ISY1: variants seen among roughly 807,000 people sequenced by gnomAD.
ISY1 encodes ISY1 spliceosome associated protein.
ISY1 carries 12 observed loss-of-function variants against 54.4 expected under a neutral mutation model. That is an observed-to-expected ratio of 0.22 (90% CI 0.14 to 0.36). The LOEUF (loss-of-function observed/expected upper bound fraction) is 0.36. ISY1 is among the 10% of genes least tolerant of loss of function. ISY1 has a pLI of 1.00. For synonymous variants in ISY1, 96 were observed against 117.9 expected (o/e 0.81, Z 1.20); for missense variants, 282 against 342.2 (o/e 0.82, Z 1.39).
At chr3:129,139,882 T>A (rs906147306) in intron 7 of ISY1, among the ~76,000 whole-genome samples, 4 of 152,176 alleles carry the variant, frequency 2.6e-5, no homozygotes, top group Admixed American at 2.0e-4. Flanking sequence ...CCTCAGGTGA[T>A]CCGCCCACCT....
At chr3:129,137,837 G>A (rs568430650) in intron 7 of ISY1, among the ~76,000 whole-genome samples, 27 of 148,632 alleles carry the variant, frequency 1.8e-4, no homozygotes, top group Non-Finnish European at 3.0e-4. Context: ...GCGTAAACCC[G>A]GGAGGCAGAG....
intron 6 of ISY1, among the ~76,000 whole-genome samples, chr3:129,144,447 C>T (rs1309564441): frequency 2.0e-5 from 3 of 152,190 alleles, no homozygotes; most frequent in South Asian, 2.1e-4. Flanking sequence ...AAGATCAACA[C>T]GTAGAAAAAC....
intron 9 of ISY1, among the ~76,000 whole-genome samples, chr3:129,133,107 AT>A (rs1329916081): frequency 2.0e-5 from 3 of 152,174 alleles, no homozygotes; most frequent in African/African-American, 4.8e-5. Context: ...GGAGGCAGAG[AT>A]TTCAAATGTT....
chr3:129,145,432 A>C (rs1936738461), intron 6 of ISY1, among the ~76,000 whole-genome samples: 1 of 152,148 alleles, frequency 6.6e-6, no homozygotes, highest in African/African-American at 2.4e-5. Context: ...CATACTGGCC[A>C]GGCTTGACTT....
chr3:129,142,263 C>T (rs1341713660), intron 6 of ISY1, among the ~76,000 whole-genome samples: 1 of 150,370 alleles, frequency 6.7e-6, no homozygotes, highest in Non-Finnish European at 1.5e-5. Flanking sequence ...GACCCCAGAT[C>T]AGGTCCTGTA....
chr3:129,130,791 A>T (rs1386733781), intron 9 of ISY1, 155 bp from the exon 10 acceptor site: 2 of 752,694 alleles, frequency 2.7e-6, no homozygotes, highest in African/African-American at 1.8e-5. Context: ...AAGATTAAGT[A>T]AAAAAAGCCA....
At chr3:129,153,370 C>G (rs1277504325) in intron 5 of ISY1, among the ~76,000 whole-genome samples, 2 of 152,154 alleles carry the variant, frequency 1.3e-5, no homozygotes. Flanking sequence ...AACTGTGTCT[C>G]TAAACAGTAG....
chr3:129,141,389 A>G (rs765834904), intron 6 of ISY1, among the ~76,000 whole-genome samples: 5 of 152,238 alleles, frequency 3.3e-5, no homozygotes, highest in African/African-American at 1.2e-4. Flanking sequence ...TCAGCCAGGC[A>G]TGGTGACACA....
intron 1 of ISY1, among the ~76,000 whole-genome samples, chr3:129,160,319 G>A (rs1937266263): frequency 6.6e-6 from 1 of 151,796 alleles, no homozygotes; most frequent in African/African-American, 2.4e-5. Flanking sequence ...ATTACGTAGT[G>A]CCGGTACCAA....
chr3:129,128,721 C>G lies in ISY1; in HGVS notation c.*1360G>C, dbSNP rs1936158907. The G allele has an allele frequency of 6.5e-6, 1 of 152,940 alleles. No homozygotes were observed. Among genetic ancestry groups the G allele is most frequent in the Non-Finnish European group, 1.5e-5 (1 of 68,696 alleles). 9.5% of individuals were successfully genotyped at this position (152,940 alleles called of 1,614,324 possible). A position where few individuals can be genotyped will look rare whatever the true frequency, so the allele number is the denominator to read the frequency against. ...GATGGGCTTCTCCAAGCCAAGAGTT[C>G]CTCCTATTCCCAAACAGCCTGAGCT... On this transcript the variant is annotated 3_prime_UTR_variant, in exon 11 of 11. Coordinates refer to ENST00000393295, the MANE Select transcript of ISY1 (RefSeq NM_020701.4).
intron 5 of ISY1, among the ~76,000 whole-genome samples, chr3:129,147,948 T>A (rs1418972186): frequency 1.3e-5 from 2 of 152,102 alleles, no homozygotes; most frequent in Admixed American, 6.6e-5. Context: ...TTATTTTTTT[T>A]ATTTTTATTT....
chr3:129,151,819 C>A (rs1009843077), intron 5 of ISY1, among the ~76,000 whole-genome samples: 9 of 152,104 alleles, frequency 5.9e-5, no homozygotes, highest in African/African-American at 2.2e-4. Context: ...GGAAAGCATT[C>A]AATCCTTCAC....
At position 129,161,051 on chromosome 3, in the gene ISY1, G is replaced by C; in HGVS notation, c.-76C>G. ...CTCCACAGGCCCAGAAGACGCCGACGCTCACAGGAACTGAAGATTCCAACT... is the reference window on the plus strand; with the variant it reads ...CTCCACAGGCCCAGAAGACGCCGACCCTCACAGGAACTGAAGATTCCAACT... On this transcript the variant is annotated 5_prime_UTR_variant, in exon 1 of 11. Coordinates refer to ENST00000393295, the MANE Select transcript of ISY1 (RefSeq NM_020701.4). 1 of 1,534,510 alleles carries C rather than the reference G, an allele frequency of 6.5e-7. No homozygotes were observed. Among genetic ancestry groups the C allele is most frequent in the Non-Finnish European group, 8.8e-7 (1 of 1,139,576 alleles).
chr3:129,156,904 A>G lies in ISY1; in HGVS notation c.95T>C (p.Leu32Pro). The change falls in exon 4 of 11, where the codon CTG becomes CCG. Residue 32 changes from leucine (L) to proline (P), a missense_variant. Physicochemically the swap from Leu to Pro is moderately conservative, Grantham distance 98 (BLOSUM62 -3). Around this residue, in one of 2 missense-constraint regions of ISY1, gnomAD observed 279 missense variants for 323.6 expected, o/e 0.86. Transcript: ENST00000393295. ...AGGCAGTTCAGTACATTCTGAGGCC[A>G]GAAAGGGTCTTCGTTCCTAAGGAGA... ...EGKVKERRPF[L>P]ASECTELPKA... 1 of 1,614,092 alleles carries G rather than the reference A, an allele frequency of 6.2e-7. No homozygotes were observed. Among genetic ancestry groups the G allele is most frequent in the Non-Finnish European group, 8.5e-7 (1 of 1,179,986 alleles).
chr3:129,152,551 C>T (rs1280568674), intron 5 of ISY1, among the ~76,000 whole-genome samples: 1 of 152,046 alleles, frequency 6.6e-6, no homozygotes, highest in Non-Finnish European at 1.5e-5. Context: ...CTACAGGCAC[C>T]TGCCACCACG....
At position 129,129,952 on chromosome 3, in the gene ISY1, A is replaced by T. The variant is rs142231443; in HGVS notation, c.*129T>A. 1.3e-5 allele frequency: 9 copies of T among 667,328 alleles called. No individual in the cohort carries two copies. Among genetic ancestry groups the T allele is most frequent in the Admixed American group, 6.8e-5 (2 of 29,558 alleles). 41.3% of individuals were successfully genotyped at this position (667,328 alleles called of 1,614,324 possible). A position where few individuals can be genotyped will look rare whatever the true frequency, so the allele number is the denominator to read the frequency against. ...AGACCCCTACCCTCCGGTCAACATGAGACAAGGAGAGGGAAGGAAGGCTGA... is the reference window on the plus strand; with the variant it reads ...AGACCCCTACCCTCCGGTCAACATGTGACAAGGAGAGGGAAGGAAGGCTGA... On this transcript the variant is annotated 3_prime_UTR_variant, in exon 11 of 11. Coordinates refer to ENST00000393295, the MANE Select transcript of ISY1 (RefSeq NM_020701.4).
intron 5 of ISY1, among the ~76,000 whole-genome samples, chr3:129,154,752 G>C (rs982031172): frequency 1.5e-4 from 22 of 148,316 alleles, no homozygotes; most frequent in African/African-American, 3.9e-4. Context: ...GCAGTGGCGC[G>C]ATCTCAGCTC....
At chr3:129,152,339 C>T (rs1303624519) in intron 5 of ISY1, among the ~76,000 whole-genome samples, 1 of 152,080 alleles carries the variant, frequency 6.6e-6, no homozygotes, top group African/African-American at 2.4e-5. Context: ...AATGCTGAAT[C>T]TACTATGTTT....
intron 7 of ISY1, chr3:129,137,088 C>T (rs183063884): frequency 5.3e-4 from 86 of 161,330 alleles, no homozygotes; most frequent in East Asian, 2.5e-3. Context: ...TTAGCAGAGA[C>T]GGGGTTTCAC....
Sources: allele counts gnomAD v4.1 joint callset (sites outside exome capture counted in the v4.1 genomes callset), GRCh38; gene constraint gnomAD v4.1.1; regional missense constraint gnomAD v4.1.1; transcripts MANE v1.5; gene names NCBI Gene and HGNC (gene_info 2026-07-23, HGNC 2026-07-21).